The following C11orf86 variants were observed in gnomAD, a reference collection of about 807,000 sequenced individuals.
C11orf86 encodes chromosome 11 open reading frame 86, also known as uncharacterized protein C11orf86.
C11orf86 carries 13 observed loss-of-function variants against 11.1 expected under a neutral mutation model. The ratio of observed to expected loss-of-function variants is 1.17; its 90% CI spans 0.76 to 1.86. C11orf86 has a LOEUF of 1.86. C11orf86 is among the 40% of genes most tolerant of loss of function. The pLI is 0.00. For missense variants in C11orf86, 144 were observed against 146.5 expected, an observed-to-expected ratio of 0.98 and a Z score of 0.09; for synonymous variants, 86 against 64.7, an observed-to-expected ratio of 1.33 and a Z score of -1.58.
At chr11:66,975,872 G>A (rs1949784820) in intron 1 of C11orf86, among the ~76,000 whole-genome samples, 1 of 152,178 alleles carries the variant, frequency 6.6e-6, no homozygotes, top group African/African-American at 2.4e-5. Flanking sequence ...AGAGGAGGAG[G>A]GTGATATGGT....
Position 66,976,312 on chromosome 11 carries a change from T to C in C11orf86, c.*61T>C. 2.0e-6 allele frequency: 3 copies of C among 1,498,140 alleles called. No homozygotes were observed. The highest frequency in any genetic ancestry group is 1.2e-5 in the South Asian group (1 of 83,122). The allele number at this position is 1,498,140 out of a possible 1,614,324, so 92.8% of individuals were successfully genotyped here. A position where few individuals can be genotyped will look rare whatever the true frequency, so the allele number is the denominator to read the frequency against. ...GCCATCGTGGCCCCCTTGCTGTGCC[T>C]GGACCAGCCCACCGTGTCTGCTGAC... is the stretch of plus-strand genomic sequence containing the variant. On this transcript the variant is annotated 3_prime_UTR_variant, in exon 2 of 2. Coordinates refer to ENST00000683896, the MANE Select transcript of C11orf86 (RefSeq NM_001353554.2).
At position 66,975,575 on chromosome 11, in the gene C11orf86, C is replaced by G. The variant is rs1356098039; in HGVS notation, c.213C>G (p.Asp71Glu). 1.3e-6 allele frequency: 2 copies of G among 1,551,326 alleles called. No homozygotes were observed. The highest frequency in any genetic ancestry group is 3.9e-5 in the Admixed American group (2 of 50,966). Residue 71 changes from aspartate to glutamate, a missense_variant, in exon 1 of 2, where the codon GAC becomes GAG. Asp to Glu is a conservative substitution (Grantham distance 45). Coordinates refer to ENST00000683896, the MANE Select transcript of C11orf86 (RefSeq NM_001353554.2). The part of the protein sequence containing the change: ...AQERVPGSLG[D>E]TEQLIQAQRR... ...AGCGGGTGCCGGGGAGCCTGGGGGA[C>G]ACAGAGCAGCTGATCCAAGCCCAGC...
chr11:66,976,048 C>CT, intron 1 of C11orf86, 129 bp from the exon 2 acceptor site: 1 of 895,598 alleles, frequency 1.1e-6, no homozygotes, highest in South Asian at 1.6e-5. Context: ...GCTCCCTCCT[C>CT]TAAGAGACAG....
At chr11:66,975,791 G>A (rs1949784481) in intron 1 of C11orf86, among the ~76,000 whole-genome samples, 153 bp downstream of exon 1, 1 of 152,200 alleles carries the variant, frequency 6.6e-6, no homozygotes. Context: ...ACACCCCAGA[G>A]CCACGTTTCA....
intron 1 of C11orf86, 23 bp downstream of exon 1, chr11:66,975,661 G>A: frequency 1.3e-6 from 2 of 1,543,410 alleles, no homozygotes; most frequent in Non-Finnish European, 1.7e-6. Context: ...GCTGAAGGAT[G>A]GAGGGTACCA....
chr11:66,975,389 C>T lies in C11orf86; in HGVS notation c.27C>T (p.Ser9=). Residue 9 remains serine, a synonymous_variant, in exon 1 of 2, where the codon TCC becomes TCT. Coordinates refer to ENST00000683896, the MANE Select transcript of C11orf86 (RefSeq NM_001353554.2). ...TGGGAACAGGGCTGCGAAGTCAGTCCTTGCGAGAGCCCCGACCCTCCTATG... is the reference window on the plus strand; with the variant it reads ...TGGGAACAGGGCTGCGAAGTCAGTCTTTGCGAGAGCCCCGACCCTCCTATG... MGTGLRSQ[S]LREPRPSYGK... is the part of the protein sequence containing the mutation. 6.4e-7 allele frequency: 1 copy of T among 1,550,558 alleles called. No individual in the cohort carries two copies. Among genetic ancestry groups the T allele is most frequent in the Non-Finnish European group, 8.7e-7 (1 of 1,146,790 alleles).
At chr11:66,976,062 C>A in intron 1 of C11orf86, 115 bp from the exon 2 acceptor site, 1 of 982,792 alleles carries the variant, frequency 1.0e-6, no homozygotes, top group South Asian at 1.5e-5. Context: ...GAGACAGGGT[C>A]TCCAATGAGC....
chr11:66,976,430 A>T lies in C11orf86; in HGVS notation c.*179A>T. The T allele has an allele frequency of 3.2e-6, 2 of 620,786 alleles. No individual in the cohort carries two copies. Among genetic ancestry groups the T allele is most frequent in the Non-Finnish European group, 5.8e-6 (2 of 347,770 alleles). The allele number at this position is 620,786 out of a possible 1,614,324, so 38.5% of individuals were successfully genotyped here. A position where few individuals can be genotyped will look rare whatever the true frequency, so the allele number is the denominator to read the frequency against. ...GAGTCGCCACGTGGCTGCCACTCTT[A>T]GCTCTGGCCCTTCCACTCCAGCACT... On this transcript the variant is annotated 3_prime_UTR_variant, in exon 2 of 2. Coordinates refer to ENST00000683896, the MANE Select transcript of C11orf86 (RefSeq NM_001353554.2).
In C11orf86 at chr11:66,976,156, TC is replaced by T; in HGVS notation, c.277-16del. ...AGCCCACCACTCAGCCCATGGGACC[TC>T]CCCCACCTCTGTCTTCCAGCAGGTA... On this transcript the variant is annotated intron_variant, in intron 1 of 1. Coordinates refer to ENST00000683896, the MANE Select transcript of C11orf86 (RefSeq NM_001353554.2). The T allele has an allele frequency of 6.4e-7, 1 of 1,550,708 alleles. No individual in the cohort carries two copies. The highest frequency in any genetic ancestry group is 8.7e-7 in the Non-Finnish European group (1 of 1,146,468).
intron 1 of C11orf86, 50 bp from the exon 2 acceptor site, chr11:66,976,127 T>G: frequency 1.3e-6 from 2 of 1,534,720 alleles, no homozygotes; most frequent in Non-Finnish European, 1.8e-6. Context: ...TGGAACAACA[T>G]CTAAGCCCAC....
Position 66,975,496 on chromosome 11 carries a change from C to G in C11orf86, c.134C>G (p.Ser45Cys). The G allele has an allele frequency of 6.4e-7, 1 of 1,551,490 alleles. No homozygotes were observed. Among genetic ancestry groups the G allele is most frequent in the Non-Finnish European group, 8.7e-7 (1 of 1,146,960 alleles). The change falls in exon 1 of 2, where the codon TCC becomes TGC. Residue 45 changes from serine to cysteine, a missense_variant. Coordinates refer to ENST00000683896, the MANE Select transcript of C11orf86 (RefSeq NM_001353554.2). ...ALSLRQGQEK[S>C]RSQGLERGTE... is the part of the protein sequence containing the mutation. ...AGCCTCAGACAGGGGCAAGAGAAGT[C>G]CAGGTCCCAGGGCCTCGAGAGAGGC...
At position 66,976,377 on chromosome 11, in the gene C11orf86, CTAG is replaced by C; in HGVS notation, c.*127_*129del. On this transcript the variant is annotated 3_prime_UTR_variant, in exon 2 of 2. Transcript: ENST00000683896. ...CTCTCTGGACTTTGGCTGGGTGGCC[CTAG>C]GAGGCTTCTGCCACCAGCTCACTGG... 9.6e-7 allele frequency: 1 copy of C among 1,038,508 alleles called. No individual in the cohort carries two copies. Among genetic ancestry groups the C allele is most frequent in the South Asian group, 1.5e-5 (1 of 68,178 alleles). The allele number at this position is 1,038,508 out of a possible 1,614,324, so 64.3% of individuals were successfully genotyped here. A position where few individuals can be genotyped will look rare whatever the true frequency, so the allele number is the denominator to read the frequency against.
chr11:66,975,585 C>T lies in C11orf86; in HGVS notation c.223C>T (p.Leu75=). 6.4e-7 allele frequency: 1 copy of T among 1,551,426 alleles called. No homozygotes were observed. Among genetic ancestry groups the T allele is most frequent in the Non-Finnish European group, 8.7e-7 (1 of 1,146,874 alleles). ...GGGGAGCCTGGGGGACACAGAGCAG[C>T]TGATCCAAGCCCAGCGAAGAGGCAG... ...VPGSLGDTEQ[L]IQAQRRGSRW... Residue 75 remains leucine, a synonymous_variant, in exon 1 of 2, where the codon CTG becomes TTG. Transcript: ENST00000683896.
Position 66,975,391 on chromosome 11 carries a change from T to A in C11orf86, c.29T>A (p.Leu10Ter), listed in dbSNP as rs1198567643. The A allele has an allele frequency of 6.4e-7, 1 of 1,550,496 alleles. No homozygotes were observed. Among genetic ancestry groups the A allele is most frequent in the Non-Finnish European group, 8.7e-7 (1 of 1,146,784 alleles). The change falls in exon 1 of 2, where the codon TTG becomes TAG. Residue 10 changes from leucine (L) to a stop codon, truncating the protein, a stop_gained. Coordinates refer to ENST00000683896, the MANE Select transcript of C11orf86 (RefSeq NM_001353554.2). LOFTEE classifies it high-confidence loss of function. ...GGAACAGGGCTGCGAAGTCAGTCCT[T>A]GCGAGAGCCCCGACCCTCCTATGGA... MGTGLRSQS[L>*]REPRPSYGKL...
rs1949793298 is a variant in C11orf86, at chr11:66,976,756, G to A, written c.*505G>A. ...AGGGCGCAGGTCTCCCTCCCAGATG[G>A]TGAGCCCTCTGGGGCAAGGACCACA... On this transcript the variant is annotated 3_prime_UTR_variant, in exon 2 of 2. Coordinates refer to ENST00000683896, the MANE Select transcript of C11orf86 (RefSeq NM_001353554.2). 1 of 155,856 alleles carries A rather than the reference G, an allele frequency of 6.4e-6. No homozygotes were observed. The highest frequency in any genetic ancestry group is 2.4e-5 in the African/African-American group (1 of 41,466). The allele number at this position is 155,856 out of a possible 1,614,324, so 9.7% of individuals were successfully genotyped here.
rs1356098039 is a variant in C11orf86 at position 66,975,575 on chromosome 11, C to A, written c.213C>A (p.Asp71Glu). Residue 71 changes from aspartate (D) to glutamate (E), a missense_variant, in exon 1 of 2, where the codon GAC becomes GAA. Asp to Glu is a conservative substitution (Grantham distance 45). Transcript: ENST00000683896. ...AGCGGGTGCCGGGGAGCCTGGGGGA[C>A]ACAGAGCAGCTGATCCAAGCCCAGC... ...AQERVPGSLG[D>E]TEQLIQAQRR... 1 of 1,551,444 alleles carries A rather than the reference C, an allele frequency of 6.4e-7. No homozygotes were observed. The highest frequency in any genetic ancestry group is 2.4e-5 in the East Asian group (1 of 40,922).
At chr11:66,975,887 G>A (rs923824879) in intron 1 of C11orf86, among the ~76,000 whole-genome samples, 7 of 152,168 alleles carry the variant, frequency 4.6e-5, no homozygotes, top group African/African-American at 1.2e-4. Flanking sequence ...TATGGTAAGC[G>A]CTGTTTTTAG....
chr11:66,975,750 G>A (rs1169718855), intron 1 of C11orf86, 112 bp downstream of exon 1: 4 of 1,423,378 alleles, frequency 2.8e-6, no homozygotes, highest in Admixed American at 2.7e-5. Flanking sequence ...GATGACAACC[G>A]AGCTGCCTGG....
Position 66,976,804 on chromosome 11 carries a change from G to A in C11orf86, c.*553G>A, listed in dbSNP as rs1949793772. Reference sequence around the variant, plus strand: ...ACAGCTGGGTGGCCCTCCTGGCTGAGCACTCTGTGCTGAAAACCTTTGAAC... The same window carrying A: ...ACAGCTGGGTGGCCCTCCTGGCTGAACACTCTGTGCTGAAAACCTTTGAAC... On this transcript the variant is annotated 3_prime_UTR_variant, in exon 2 of 2. Coordinates refer to ENST00000683896, the MANE Select transcript of C11orf86 (RefSeq NM_001353554.2). 1 of 153,562 alleles carries A rather than the reference G, an allele frequency of 6.5e-6. No homozygotes were observed. Among genetic ancestry groups the A allele is most frequent in the Non-Finnish European group, 1.5e-5 (1 of 68,960 alleles). 9.5% of individuals were successfully genotyped at this position (153,562 alleles called of 1,614,324 possible).
Sources: allele counts gnomAD v4.1 joint callset (sites outside exome capture counted in the v4.1 genomes callset), GRCh38; gene constraint gnomAD v4.1.1; transcripts MANE v1.5; gene names NCBI Gene and HGNC (gene_info 2026-07-23, HGNC 2026-07-21).